The following LDHAL6A variants were observed in gnomAD, a reference collection of about 807,000 sequenced individuals.
The protein encoded by LDHAL6A is L-lactate dehydrogenase A-like 6A.
Under a neutral mutation model 28.2 loss-of-function variants are expected in LDHAL6A, and 19 were observed. That is an observed-to-expected ratio of 0.67 (90% CI 0.47 to 0.99). The LOEUF (loss-of-function observed/expected upper bound fraction) is 0.99. Among genes scored for constraint, LDHAL6A ranks in the 50% least tolerant of loss-of-function variants. The pLI is 0.00. For synonymous variants in LDHAL6A, 144 were observed against 134.4 expected, an observed-to-expected ratio of 1.07 and a Z score of -0.49; for missense variants, 372 against 398.6, an observed-to-expected ratio of 0.93 and a Z score of 0.57.
chr11:18,465,847 T>G (rs1849059047), intron 3 of LDHAL6A, 37 bp downstream of exon 3: 1 of 1,533,208 alleles, frequency 6.5e-7, no homozygotes, highest in African/African-American at 1.4e-5. Flanking sequence ...ACTTTTAGAT[T>G]CGGGGGTACA....
chr11:18,467,872 T>C (rs1225792425), intron 3 of LDHAL6A, among the ~76,000 whole-genome samples: 12 of 29,222 alleles, frequency 4.1e-4, no homozygotes, highest in African/African-American at 2.0e-3. Flanking sequence ...AATATATATA[T>C]ATACACACAT....
intron 1 of LDHAL6A, among the ~76,000 whole-genome samples, chr11:18,461,557 A>T (rs893942042): frequency 3.3e-5 from 5 of 152,044 alleles, no homozygotes; most frequent in Admixed American, 3.3e-4. Flanking sequence ...CATTTACAAG[A>T]TTTGAAAGTA....
chr11:18,461,851 C>CAA (rs1181963432), intron 1 of LDHAL6A, among the ~76,000 whole-genome samples: 5 of 98,184 alleles, frequency 5.1e-5, no homozygotes, highest in African/African-American at 1.8e-4. Flanking sequence ...GATTCCGTCT[C>CAA]AAAAAAAAGA....
chr11:18,472,379 A>G (rs1358435748), intron 3 of LDHAL6A, among the ~76,000 whole-genome samples: 1 of 152,238 alleles, frequency 6.6e-6, no homozygotes, highest in Non-Finnish European at 1.5e-5. Context: ...ACTTTTTACC[A>G]TCAATGGATA....
chr11:18,461,892 C>A (rs1179177258), intron 1 of LDHAL6A, among the ~76,000 whole-genome samples: 1 of 148,566 alleles, frequency 6.7e-6, no homozygotes, highest in African/African-American at 2.5e-5. Context: ...TGGGCATGGG[C>A]TCACGCTTGT....
At chr11:18,467,365 A>G (rs1849101050) in intron 3 of LDHAL6A, among the ~76,000 whole-genome samples, 1 of 152,156 alleles carries the variant, frequency 6.6e-6, no homozygotes, top group African/African-American at 2.4e-5. Flanking sequence ...TATAGCCTCC[A>G]TCCTTTTATA....
At chr11:18,469,958 T>G (rs1849217666) in intron 3 of LDHAL6A, among the ~76,000 whole-genome samples, 1 of 136,882 alleles carries the variant, frequency 7.3e-6, no homozygotes, top group African/African-American at 2.5e-5. Context: ...AGACAGAGTC[T>G]CTGTCTGTCA....
At chr11:18,473,834 G>A (rs1289094385) in intron 3 of LDHAL6A, among the ~76,000 whole-genome samples, 1 of 152,174 alleles carries the variant, frequency 6.6e-6, no homozygotes, top group Admixed American at 6.5e-5. Flanking sequence ...AGGCTTCTAA[G>A]TTTTCTTCAT....
intron 1 of LDHAL6A, among the ~76,000 whole-genome samples, chr11:18,462,655 C>CA (rs71047600): frequency 0.41 from 42,835 of 105,500 alleles, 8,840 homozygotes; most frequent in Non-Finnish European, 0.49. Context: ...AACAAACAAA[C>CA]AAAAAAAAAA....
At chr11:18,462,772 G>T (rs974928465) in intron 1 of LDHAL6A, among the ~76,000 whole-genome samples, 3 of 151,700 alleles carry the variant, frequency 2.0e-5, no homozygotes, top group African/African-American at 7.3e-5. Flanking sequence ...AGCGGAGGTG[G>T]CAGTGAGCCG....
chr11:18,476,307 A>G, intron 4 of LDHAL6A, 77 bp from the exon 5 acceptor site: 1 of 1,507,776 alleles, frequency 6.6e-7, no homozygotes, highest in Non-Finnish European at 8.9e-7. Context: ...GGCAATTATA[A>G]CAGTTTTGCT....
rs542453500 is a variant in LDHAL6A, at chr11:18,476,234, T to C, written c.593-150T>C. 5 of 809,478 alleles carry C rather than the reference T, an allele frequency of 6.2e-6. No homozygotes were observed. In the African/African-American group the frequency reaches 8.7e-5, roughly 14 times the overall value. 50.1% of individuals were successfully genotyped at this position (809,478 alleles called of 1,614,324 possible). ...TTGTGGATCCCCATCTGTGGAGATC[T>C]AGATTTAGAATATCTGGAGTGGGGC... On this transcript the variant is annotated intron_variant, in intron 4 of 6. Coordinates refer to ENST00000280706, the MANE Select transcript of LDHAL6A (RefSeq NM_144972.5).
At chr11:18,477,413 C>G (rs1255231596) in intron 5 of LDHAL6A, among the ~76,000 whole-genome samples, 2 of 149,644 alleles carry the variant, frequency 1.3e-5, no homozygotes, top group Non-Finnish European at 3.0e-5. Flanking sequence ...GAGCCGAGAT[C>G]ACACTACTGC....
intron 3 of LDHAL6A, among the ~76,000 whole-genome samples, chr11:18,472,106 G>A (rs1849270151): frequency 6.6e-6 from 1 of 152,136 alleles, no homozygotes; most frequent in African/African-American, 2.4e-5. Flanking sequence ...TGAGTTACTT[G>A]CTCTGTTTTC....
At chr11:18,467,924 CACAT>C (rs1849128269) in intron 3 of LDHAL6A, among the ~76,000 whole-genome samples, 1 of 61,116 alleles carries the variant, frequency 1.6e-5, no homozygotes, top group Admixed American at 2.0e-4. Context: ...TATATACACA[CACAT>C]ATATATATAC....
At chr11:18,469,273 A>G (rs974888584) in intron 3 of LDHAL6A, 13 of 559,364 alleles carry the variant, frequency 2.3e-5, no homozygotes, top group African/African-American at 1.6e-4. Context: ...TCCCCAACCT[A>G]CTTTGATTTG....
intron 1 of LDHAL6A, among the ~76,000 whole-genome samples, chr11:18,460,314 G>A (rs1234168258): frequency 6.6e-6 from 1 of 151,946 alleles, no homozygotes; most frequent in East Asian, 1.9e-4. Context: ...CTAGGTGGCC[G>A]GGCACGGTGG....
intron 1 of LDHAL6A, among the ~76,000 whole-genome samples, chr11:18,462,774 A>G (rs1590248191): frequency 6.6e-6 from 1 of 151,842 alleles, no homozygotes; most frequent in Admixed American, 6.6e-5. Flanking sequence ...CGGAGGTGGC[A>G]GTGAGCCGAG....
In LDHAL6A at chr11:18,478,832, G is replaced by T; in HGVS notation, c.961G>T (p.Glu321Ter). The change falls in exon 7 of 7, where the codon GAA (glutamate) becomes TAA (stop). Residue 321 changes from glutamate (E) to a stop codon, truncating the protein, a stop_gained. Coordinates refer to ENST00000280706, the MANE Select transcript of LDHAL6A (RefSeq NM_144972.5). LOFTEE classifies it high-confidence loss of function. ...EEEACLQKSA[E>*]TLWEIQKELK... ...GGAGGCCTGCTTGCAAAAGAGTGCA[G>T]AAACACTTTGGGAAATTCAGAAGGA... is the stretch of plus-strand genomic sequence containing the variant. 6.2e-7 allele frequency: 1 copy of T among 1,613,454 alleles called. No individual in the cohort carries two copies.
Sources: gnomAD v4.1 joint callset for allele counts (sites outside exome capture counted in the v4.1 genomes callset) on GRCh38, gnomAD v4.1.1 for gene constraint, MANE v1.5 for transcripts, NCBI Gene and HGNC (gene_info 2026-07-23, HGNC 2026-07-21) for gene names.